Variants in FBXL17 observed in about 807,000 individuals in gnomAD.
FBXL17 encodes F-box/LRR-repeat protein 17.
A neutral mutation model predicts 66.2 loss-of-function variants in FBXL17; 22 were observed. The ratio of observed to expected loss-of-function variants is 0.33; its 90% CI spans 0.24 to 0.47. The LOEUF (loss-of-function observed/expected upper bound fraction) is 0.47. Ranked by LOEUF, FBXL17 falls within the 20% of genes least tolerant of loss-of-function variation. The pLI is 1.00. For missense variants in FBXL17, 878 were observed against 948.2 expected (o/e 0.93, Z 0.97); for synonymous variants, 474 against 400.5 (o/e 1.18, Z -2.19).
chr5:108,082,545 A>C (rs988792597), intron 6 of FBXL17, among the ~76,000 whole-genome samples: 1 of 152,214 alleles, frequency 6.6e-6, no homozygotes, highest in African/African-American at 2.4e-5. Context: ...ATTTCCCAGT[A>C]GACAACATTT....
intron 6 of FBXL17, among the ~76,000 whole-genome samples, chr5:108,026,629 C>A (rs1363842492): frequency 6.6e-6 from 1 of 152,192 alleles, no homozygotes; most frequent in Non-Finnish European, 1.5e-5. Flanking sequence ...GAGTGACATG[C>A]AAAATATCAC....
chr5:108,375,864 C>A (rs754246617), intron 1 of FBXL17, among the ~76,000 whole-genome samples: 3 of 152,002 alleles, frequency 2.0e-5, no homozygotes, highest in Non-Finnish European at 4.4e-5. Context: ...ATGTGAAAAT[C>A]TTCAATAAAA....
intron 5 of FBXL17, among the ~76,000 whole-genome samples, chr5:108,195,775 A>G (rs929870598): frequency 1.3e-5 from 2 of 152,184 alleles, no homozygotes; most frequent in African/African-American, 2.4e-5. Context: ...TTGGCTATAC[A>G]GTATTTGAAA....
intron 6 of FBXL17, among the ~76,000 whole-genome samples, chr5:108,088,048 T>C (rs551407850): frequency 2.9e-3 from 441 of 152,324 alleles, no homozygotes; most frequent in Non-Finnish European, 4.9e-3. Context: ...TTTAAATATA[T>C]AGATGATGGG....
intron 7 of FBXL17, among the ~76,000 whole-genome samples, chr5:107,946,023 T>G (rs999740524): frequency 1.3e-5 from 2 of 151,670 alleles, no homozygotes; most frequent in Admixed American, 1.3e-4. Context: ...CACACAGTAT[T>G]AGCAGTTTTA....
At chr5:108,288,231 A>G (rs1192389340) in intron 4 of FBXL17, among the ~76,000 whole-genome samples, 2 of 151,914 alleles carry the variant, frequency 1.3e-5, no homozygotes, top group Non-Finnish European at 1.5e-5. Context: ...ATTTACCTAT[A>G]TAACAAACCG....
intron 6 of FBXL17, among the ~76,000 whole-genome samples, chr5:108,177,337 A>G (rs1752829956): frequency 6.6e-6 from 1 of 152,174 alleles, no homozygotes; most frequent in South Asian, 2.1e-4. Context: ...TACCAAAAAT[A>G]AGCTGTTTTT....
intron 4 of FBXL17, among the ~76,000 whole-genome samples, chr5:108,256,273 A>ACTAAGC (rs1756574584): frequency 1.3e-5 from 2 of 152,214 alleles, no homozygotes; most frequent in Non-Finnish European, 2.9e-5. Context: ...TATGCCTTCT[A>ACTAAGC]AAGAAAATCA....
chr5:108,009,842 T>TC (rs1272972147), intron 7 of FBXL17, among the ~76,000 whole-genome samples: 5 of 152,104 alleles, frequency 3.3e-5, no homozygotes, highest in African/African-American at 1.2e-4. Context: ...CTCCAAAAAA[T>TC]ATGAGATGGA....
intron 4 of FBXL17, among the ~76,000 whole-genome samples, chr5:108,262,694 C>A (rs1231111532): frequency 4.6e-5 from 7 of 151,756 alleles, no homozygotes; most frequent in Non-Finnish European, 1.0e-4. Flanking sequence ...GCCCACTTCA[C>A]TTAGGAATTA....
In FBXL17 at chr5:108,001,490, G is replaced by GT. The variant is rs574977045; in HGVS notation, c.1822+19434dup. On this transcript the variant is annotated intron_variant, in intron 7 of 8. Transcript: ENST00000542267. ...GGCTGAAAATGCAGAAGGAAAATTAGTTTTTTTTTGTATTTTTTTTTGTTT... is the reference window on the plus strand; with the variant it reads ...GGCTGAAAATGCAGAAGGAAAATTAGTTTTTTTTTTGTATTTTTTTTTGTTT... 4.6e-5 allele frequency among the ~76,000 whole-genome samples: 7 copies of GT among 151,162 alleles called. No individual in the cohort carries two copies. In the South Asian group the frequency reaches 8.4e-4, roughly 18 times the overall value.
chr5:107,985,936 C>T (rs554961303), intron 7 of FBXL17, among the ~76,000 whole-genome samples: 11 of 152,250 alleles, frequency 7.2e-5, no homozygotes, highest in African/African-American at 2.6e-4. Flanking sequence ...GCTATGTGTA[C>T]AGGGTTTCAT....
At chr5:108,111,946 T>C (rs1009901081) in intron 6 of FBXL17, among the ~76,000 whole-genome samples, 1 of 152,170 alleles carries the variant, frequency 6.6e-6, no homozygotes, top group Non-Finnish European at 1.5e-5. Flanking sequence ...TGCATAATAA[T>C]ATCTGAGAGA....
At chr5:107,872,045 C>T (rs552266661) in intron 8 of FBXL17, among the ~76,000 whole-genome samples, 32 of 152,286 alleles carry the variant, frequency 2.1e-4, no homozygotes, top group African/African-American at 7.5e-4. Context: ...TTGCCATTTC[C>T]ATTATGCAGA....
chr5:108,058,401 CTTCTTTCTTTCTCTTTCTTTCTTCT>C (rs1427422810), intron 6 of FBXL17, among the ~76,000 whole-genome samples: 2 of 29,418 alleles, frequency 6.8e-5, no homozygotes, highest in Non-Finnish European at 1.4e-4. Flanking sequence ...TCTTTCTTTC[CTTCTTTCTTTCTCTTTCTTTCTTCT>C]TTCTTTCTCT....
At chr5:108,070,467 A>C (rs1438926002) in intron 6 of FBXL17, among the ~76,000 whole-genome samples, 3 of 152,258 alleles carry the variant, frequency 2.0e-5, no homozygotes, top group Admixed American at 1.3e-4. Flanking sequence ...ATACTGTTTT[A>C]AGTCCCCAAC....
chr5:108,050,235 T>C (rs1481766387), intron 6 of FBXL17, among the ~76,000 whole-genome samples: 1 of 152,096 alleles, frequency 6.6e-6, no homozygotes, highest in Non-Finnish European at 1.5e-5. Flanking sequence ...GGATCAAGTG[T>C]ACCTAACAGA....
intron 4 of FBXL17, among the ~76,000 whole-genome samples, chr5:108,340,931 A>G (rs1580849607): frequency 6.6e-6 from 1 of 152,158 alleles, no homozygotes; most frequent in Non-Finnish European, 1.5e-5. Context: ...AATTACCAGT[A>G]GAGAGTGATT....
In FBXL17 at chr5:107,861,505, A is replaced by G. The variant is rs143734406; in HGVS notation, c.*215T>C. 63 of 380,276 alleles carry G rather than the reference A, an allele frequency of 1.7e-4. No individual in the cohort carries two copies. Among genetic ancestry groups the G allele is most frequent in the African/African-American group, 1.2e-3 (59 of 48,278 alleles). 23.6% of individuals were successfully genotyped at this position (380,276 alleles called of 1,614,324 possible). ...AAAAACTAAAAAGTTTGTGGCTTTC[A>G]TAATCTTTAATTTCTAAGAAAAAAA... On this transcript the variant is annotated 3_prime_UTR_variant, in exon 9 of 9. Coordinates refer to ENST00000542267, the MANE Select transcript of FBXL17 (RefSeq NM_001163315.3).
Sources: gnomAD v4.1 joint callset for allele counts (sites outside exome capture counted in the v4.1 genomes callset) on GRCh38, gnomAD v4.1.1 for gene constraint, MANE v1.5 for transcripts, NCBI Gene and HGNC (gene_info 2026-07-23, HGNC 2026-07-21) for gene names.